Variants in KLHDC1 observed in about 807,000 individuals in gnomAD.
KLHDC1 encodes kelch domain-containing protein 1.
KLHDC1 carries 53 observed loss-of-function variants against 68.3 expected under a neutral mutation model. That is an observed-to-expected ratio of 0.78 (90% CI 0.62 to 0.98). KLHDC1 has a LOEUF of 0.98. Ranked by LOEUF, KLHDC1 falls within the 50% of genes least tolerant of loss-of-function variation. The pLI is 0.00. For missense variants in KLHDC1, 470 were observed against 492.3 expected, an observed-to-expected ratio of 0.95 and a Z score of 0.43; for synonymous variants, 148 against 159.0, an observed-to-expected ratio of 0.93 and a Z score of 0.52.
At chr14:49,719,528 A>G (rs1013894378) in intron 4 of KLHDC1, among the ~76,000 whole-genome samples, 2 of 151,896 alleles carry the variant, frequency 1.3e-5, no homozygotes, top group Non-Finnish European at 1.5e-5. Flanking sequence ...TCCCGGGTTC[A>G]AGTGATACTC....
intron 6 of KLHDC1, among the ~76,000 whole-genome samples, chr14:49,728,269 G>A (rs1476532454): frequency 6.6e-6 from 1 of 152,202 alleles, no homozygotes; most frequent in Non-Finnish European, 1.5e-5. Context: ...GTGGCAGTGA[G>A]CCGAGATTGT....
At chr14:49,732,490 T>C (rs375573257) in intron 8 of KLHDC1, among the ~76,000 whole-genome samples, 1 of 152,140 alleles carries the variant, frequency 6.6e-6, no homozygotes, top group East Asian at 1.9e-4. Context: ...ACTTTTATTT[T>C]CACTGTGTAG....
chr14:49,719,796 T>C (rs976070818), intron 4 of KLHDC1, among the ~76,000 whole-genome samples: 2 of 151,750 alleles, frequency 1.3e-5, no homozygotes, highest in African/African-American at 4.8e-5. Flanking sequence ...CCTTCCTTTC[T>C]TTTTATTTCT....
intron 8 of KLHDC1, among the ~76,000 whole-genome samples, chr14:49,729,770 G>T (rs113229716): frequency 6.6e-6 from 1 of 152,120 alleles, no homozygotes; most frequent in Non-Finnish European, 1.5e-5. Context: ...TAAAAGTACT[G>T]GTTTTATACT....
chr14:49,729,090 G>T, intron 7 of KLHDC1, 81 bp downstream of exon 7: 1 of 920,780 alleles, frequency 1.1e-6, no homozygotes, highest in South Asian at 1.4e-5. Flanking sequence ...TGGAATAATT[G>T]AACATTCATG....
At chr14:49,743,686 A>G (rs988854686) in intron 11 of KLHDC1, 67 bp from the exon 12 acceptor site, 44 of 908,346 alleles carry the variant, frequency 4.8e-5, no homozygotes, top group Non-Finnish European at 7.2e-5. Context: ...AAATTAAGAA[A>G]CATTCAATTA....
At chr14:49,737,856 T>C (rs1224409339) in intron 10 of KLHDC1, among the ~76,000 whole-genome samples, 1 of 120,526 alleles carries the variant, frequency 8.3e-6, no homozygotes. Context: ...CAGAGCCAGA[T>C]CCTGTCTCAA....
At chr14:49,701,099 A>G (rs181347202) in intron 1 of KLHDC1, among the ~76,000 whole-genome samples, 118 of 152,118 alleles carry the variant, frequency 7.8e-4, no homozygotes, top group African/African-American at 2.5e-3. Context: ...AAAAGAAAAA[A>G]GAAAAAAACT....
chr14:49,700,772 A>G (rs1026408171), intron 1 of KLHDC1, among the ~76,000 whole-genome samples: 1 of 152,190 alleles, frequency 6.6e-6, no homozygotes, highest in African/African-American at 2.4e-5. Flanking sequence ...AGATAGTACA[A>G]TGAAATGCGA....
chr14:49,723,997 G>A, intron 5 of KLHDC1, 45 bp downstream of exon 5: 3 of 1,066,522 alleles, frequency 2.8e-6, no homozygotes, highest in Non-Finnish European at 2.8e-6. Flanking sequence ...AGTCAGTATA[G>A]CCTTAACATC....
chr14:49,704,565 T>C (rs534801108), intron 1 of KLHDC1, among the ~76,000 whole-genome samples: 44 of 151,834 alleles, frequency 2.9e-4, no homozygotes, highest in Non-Finnish European at 5.3e-4. Flanking sequence ...AGCTAATTTT[T>C]TGTATTTTTA....
intron 5 of KLHDC1, among the ~76,000 whole-genome samples, chr14:49,725,253 T>A (rs909675415): frequency 6.6e-6 from 1 of 152,230 alleles, no homozygotes; most frequent in Non-Finnish European, 1.5e-5. Flanking sequence ...AACAAATTGC[T>A]TGGTGAAGTA....
At position 49,740,091 on chromosome 14, in the gene KLHDC1, A is replaced by G; in HGVS notation, c.897-7A>G. 2.5e-6 allele frequency: 4 copies of G among 1,577,352 alleles called. No individual in the cohort carries two copies. The highest frequency in any genetic ancestry group is 3.5e-6 in the Non-Finnish European group (4 of 1,149,490). On this transcript the variant is annotated splice_polypyrimidine_tract_variant and splice_region_variant and intron_variant, in intron 10 of 12. Transcript: ENST00000359332. ...TGTTTCACTCTGTTTATAATTTTCA[A>G]TCATAGGTTATGGCACACAGCCTGT...
At position 49,693,251 on chromosome 14, in the gene KLHDC1, G is replaced by C; in HGVS notation, c.57G>C (p.Val19=). Residue 19 remains valine (V), a synonymous_variant, in exon 1 of 13, where the codon GTG becomes GTC. Transcript: ENST00000359332. ...AGGAACGCAGCGGCCACTGCGCCGT[G>C]GTGGACGGAAACTTCCTCTACGTGT... is the stretch of plus-strand genomic sequence containing the variant. ...VAEERSGHCA[V]VDGNFLYVWG... 6.4e-7 allele frequency: 1 copy of C among 1,571,686 alleles called. No individual in the cohort carries two copies. The highest frequency in any genetic ancestry group is 8.6e-7 in the Non-Finnish European group (1 of 1,160,790).
Position 49,751,792 on chromosome 14 carries a change from A to G in KLHDC1, c.*20A>G, listed in dbSNP as rs1203597197. 3.0e-6 allele frequency: 4 copies of G among 1,312,960 alleles called. No homozygotes were observed. The highest frequency in any genetic ancestry group is 1.5e-5 in the South Asian group (1 of 64,702). 81.3% of individuals were successfully genotyped at this position (1,312,960 alleles called of 1,614,324 possible). On this transcript the variant is annotated 3_prime_UTR_variant, in exon 13 of 13. Coordinates refer to ENST00000359332, the MANE Select transcript of KLHDC1 (RefSeq NM_172193.3). ...AATTAAATTGTTATATACTTTACAT[A>G]TTTAGTATGTTTTAACTTTTTAATC...
At chr14:49,693,742 C>CTTTTTTT (rs1566589138) in intron 1 of KLHDC1, among the ~76,000 whole-genome samples, 7 of 60,922 alleles carry the variant, frequency 1.1e-4, no homozygotes, top group African/African-American at 3.8e-4. Context: ...ATTTTCTTTT[C>CTTTTTTT]TTTTTCTTTT....
intron 4 of KLHDC1, among the ~76,000 whole-genome samples, chr14:49,713,798 GTATATA>G (rs1174449263): frequency 3.1e-4 from 18 of 58,542 alleles, no homozygotes; most frequent in African/African-American, 8.2e-4. Context: ...GAGGCAGGAG[GTATATA>G]TATATATATA....
chr14:49,705,890 A>T (rs1888039003), intron 1 of KLHDC1, among the ~76,000 whole-genome samples: 1 of 152,286 alleles, frequency 6.6e-6, no homozygotes, highest in East Asian at 1.9e-4. Context: ...GTATATATTT[A>T]TGGGATGCAT....
At chr14:49,748,388 C>G (rs1012035164) in intron 12 of KLHDC1, among the ~76,000 whole-genome samples, 5 of 152,116 alleles carry the variant, frequency 3.3e-5, no homozygotes, top group African/African-American at 1.2e-4. Context: ...GCTGCACACA[C>G]AACAATTTTC....
Sources: allele counts gnomAD v4.1 joint callset (sites outside exome capture counted in the v4.1 genomes callset), GRCh38; gene constraint gnomAD v4.1.1; transcripts MANE v1.5; gene names NCBI Gene and HGNC (gene_info 2026-07-23, HGNC 2026-07-21).